ZBTB8B: variants seen among roughly 807,000 people sequenced by gnomAD.
ZBTB8B encodes the protein zinc finger and BTB domain-containing protein 8B.
Under a neutral mutation model 30.3 loss-of-function variants are expected in ZBTB8B, and 17 were observed. The observed-to-expected ratio is 0.56, with a 90% CI of 0.38 to 0.84. ZBTB8B has a LOEUF of 0.84. Among genes scored for constraint, ZBTB8B ranks in the 40% least tolerant of loss-of-function variants. The probability of loss-of-function intolerance (pLI) is 0.00; values close to 1 mark genes in which losing one functional copy is unlikely to be tolerated. For synonymous variants in ZBTB8B, 248 were observed against 255.6 expected (o/e 0.97, Z 0.28); for missense variants, 515 against 644.9 (o/e 0.80, Z 2.18).
intron 2 of ZBTB8B, among the ~76,000 whole-genome samples, chr1:32,477,366 T>A (rs952407218): frequency 2.0e-4 from 31 of 152,140 alleles, no homozygotes; most frequent in African/African-American, 7.2e-4. Flanking sequence ...TGGAGTGAGA[T>A]CAGGAAAGGG....
rs1643777524 is a variant in ZBTB8B, at chr1:32,491,156, C to T, written c.*5738C>T. 6.6e-6 allele frequency: 1 copy of T among 152,104 alleles called. No individual in the cohort carries two copies. The highest frequency in any genetic ancestry group is 2.4e-5 in the African/African-American group (1 of 41,406). The allele number at this position is 152,104 out of a possible 1,614,324, so 9.4% of individuals were successfully genotyped here. ...TTTGATGAGGAAGGTTTAGTAGTAACAAGCTTGGGGATTTTGAAGGAAGGC... is the reference window on the plus strand; with the variant it reads ...TTTGATGAGGAAGGTTTAGTAGTAATAAGCTTGGGGATTTTGAAGGAAGGC... On this transcript the variant is annotated 3_prime_UTR_variant, in exon 4 of 4. Transcript: ENST00000609129.
intron 2 of ZBTB8B, among the ~76,000 whole-genome samples, chr1:32,474,375 A>AT (rs1643646827): frequency 3.7e-5 from 5 of 136,986 alleles, no homozygotes; most frequent in Admixed American, 1.5e-4. Context: ...AAAAAAAAAA[A>AT]AAAAAAATTG....
At chr1:32,474,610 C>G (rs1643648960) in intron 2 of ZBTB8B, among the ~76,000 whole-genome samples, 1 of 152,056 alleles carries the variant, frequency 6.6e-6, no homozygotes, top group Admixed American at 6.6e-5. Context: ...GCTTCACCAG[C>G]ATTGGGAAGA....
At chr1:32,467,388 A>T (rs1373552892) in intron 1 of ZBTB8B, among the ~76,000 whole-genome samples, 1 of 151,714 alleles carries the variant, frequency 6.6e-6, no homozygotes, top group African/African-American at 2.4e-5. Context: ...AGTAGCTGGG[A>T]TTACAGGTGC....
In ZBTB8B at chr1:32,485,416, T is replaced by C; in HGVS notation, c.1486T>C (p.Ter496GlnextTer2). The change falls in exon 4 of 4, where the codon TAG (stop) becomes CAG (glutamine). Residue 496 changes from the stop codon to glutamine, a stop_lost. Transcript: ENST00000609129. ...PNLSDRETLT* is the reference protein window; with the variant it reads ...PNLSDRETLTQ ...CTTATCAGACCGAGAGACACTTACGTAGCAATAAATTGGTGGGGAAGAGGA... is the reference window on the plus strand; with the variant it reads ...CTTATCAGACCGAGAGACACTTACGCAGCAATAAATTGGTGGGGAAGAGGA... 6.5e-7 allele frequency: 1 copy of C among 1,546,464 alleles called. No individual in the cohort carries two copies. The highest frequency in any genetic ancestry group is 8.8e-7 in the Non-Finnish European group (1 of 1,142,536).
chr1:32,477,308 G>T (rs575836025), intron 2 of ZBTB8B, among the ~76,000 whole-genome samples: 13 of 152,304 alleles, frequency 8.5e-5, no homozygotes, highest in Middle Eastern at 3.4e-3. Context: ...GGAAACAGGT[G>T]TCTTACAATG....
chr1:32,470,074 G>A (rs1001474691), intron 1 of ZBTB8B, among the ~76,000 whole-genome samples: 1 of 152,110 alleles, frequency 6.6e-6, no homozygotes, highest in African/African-American at 2.4e-5. Flanking sequence ...GTTTCACCAT[G>A]TTGGGCAGGC....
In ZBTB8B at chr1:32,484,471, TG is replaced by T. The variant is rs1470827583; in HGVS notation, c.1171-629del. ...GTGTTCATAAGGGGTGAAGGGTTGA[TG>T]ATGGGCAGAAGGGAATGTCCCACAT... On this transcript the variant is annotated intron_variant, in intron 3 of 3. Transcript: ENST00000609129. This position sits in a 1 kb window ranked among gnomAD's most constrained non-coding sequence, Gnocchi z 4.5. 6.6e-6 allele frequency among the ~76,000 whole-genome samples: 1 copy of T among 152,238 alleles called. No homozygotes were observed. The highest frequency in any genetic ancestry group is 6.5e-5 in the Admixed American group (1 of 15,286).
intron 2 of ZBTB8B, among the ~76,000 whole-genome samples, chr1:32,474,322 G>C: frequency 1.1e-5 from 1 of 90,156 alleles, no homozygotes; most frequent in Non-Finnish European, 2.0e-5. Context: ...GCCCGGGCAA[G>C]ATGGCAAAAC....
rs113413071 is a variant in ZBTB8B, at chr1:32,483,282, A to G, written c.1171-1819A>G. 6.6e-3 allele frequency among the ~76,000 whole-genome samples: 945 copies of G among 143,158 alleles called. 7 individuals are homozygous for G. The highest frequency in any genetic ancestry group is 9.8e-3 in the Non-Finnish European group (644 of 65,768). The allele number at this position is 143,158 out of a possible 152,430, so 93.9% of individuals were successfully genotyped here. ...AAAAAAAAAAAAAAAAAAATTAGCC[A>G]GGCTTGGTGGCACGCGCCTGTAGTC... On this transcript the variant is annotated intron_variant, in intron 3 of 3. Transcript: ENST00000609129.
rs1274722835 is a variant in ZBTB8B at position 32,480,876 on chromosome 1, C to CT, written c.992-15_992-14insT. On this transcript the variant is annotated splice_polypyrimidine_tract_variant and intron_variant, in intron 2 of 3. Transcript: ENST00000609129. ...TGCATACAGCACAGCTAAATGAAAG[C>CT]ATTTGGTTCCCCAGGTGATGTGCTG... The CT allele has an allele frequency of 6.5e-7, 1 of 1,548,972 alleles. No homozygotes were observed. Among genetic ancestry groups the CT allele is most frequent in the Admixed American group, 2.0e-5 (1 of 50,860 alleles).
chr1:32,471,723 C>T, intron 2 of ZBTB8B, 108 bp downstream of exon 2: 1 of 1,246,868 alleles, frequency 8.0e-7, no homozygotes, highest in African/African-American at 1.5e-5. Flanking sequence ...ATTGTCACTA[C>T]CAACATTATC....
rs1368162756 is a variant in ZBTB8B, at chr1:32,489,253, C to A, written c.*3835C>A. The A allele has an allele frequency of 2.0e-5, 3 of 152,328 alleles. No individual in the cohort carries two copies. The highest frequency in any genetic ancestry group is 4.1e-4 in the South Asian group (2 of 4,826). 9.4% of individuals were successfully genotyped at this position (152,328 alleles called of 1,614,324 possible). A position where few individuals can be genotyped will look rare whatever the true frequency, so the allele number is the denominator to read the frequency against. ...CTTAGAAAATTCTGACTCATTCATA[C>A]ACCCAGAATCGTTACTAGGTTCTGA... On this transcript the variant is annotated 3_prime_UTR_variant, in exon 4 of 4. Transcript: ENST00000609129.
intron 2 of ZBTB8B, 50 bp downstream of exon 2, chr1:32,471,665 G>A: frequency 6.6e-7 from 1 of 1,507,362 alleles, no homozygotes; most frequent in South Asian, 1.3e-5. Context: ...AGTACACACT[G>A]TCTGTGCCTT....
At chr1:32,467,352 A>T (rs759659435) in intron 1 of ZBTB8B, among the ~76,000 whole-genome samples, 9 of 151,576 alleles carry the variant, frequency 5.9e-5, no homozygotes, top group Non-Finnish European at 1.3e-4. Flanking sequence ...CCTGGGTTCA[A>T]GTGATTCTCC....
At chr1:32,479,246 C>T (rs1230416430) in intron 2 of ZBTB8B, among the ~76,000 whole-genome samples, 1 of 152,112 alleles carries the variant, frequency 6.6e-6, no homozygotes, top group Non-Finnish European at 1.5e-5. Context: ...AATCTCGGGC[C>T]GGGCATGGTG....
chr1:32,471,860 A>G (rs1312321404), intron 2 of ZBTB8B, among the ~76,000 whole-genome samples: 1 of 151,726 alleles, frequency 6.6e-6, no homozygotes, highest in East Asian at 1.9e-4. Flanking sequence ...CATCATTACC[A>G]TCATCTCCAG....
chr1:32,493,303 C>A lies in ZBTB8B; in HGVS notation c.*7885C>A, dbSNP rs1371402709. On this transcript the variant is annotated 3_prime_UTR_variant, in exon 4 of 4. Coordinates refer to ENST00000609129, the MANE Select transcript of ZBTB8B (RefSeq NM_001145720.2). ...CACTACAGGCGTGTGCCACCACGCC[C>A]AGCTAATTTTTTGTATTTTATAAGA... is the stretch of plus-strand genomic sequence containing the variant. The A allele has an allele frequency of 2.0e-5, 3 of 151,870 alleles. No individual in the cohort carries two copies. The highest frequency in any genetic ancestry group is 4.4e-5 in the Non-Finnish European group (3 of 67,990). The allele number at this position is 151,870 out of a possible 1,614,324, so 9.4% of individuals were successfully genotyped here. A position where few individuals can be genotyped will look rare whatever the true frequency, so the allele number is the denominator to read the frequency against.
At chr1:32,474,600 G>A (rs1434969368) in intron 2 of ZBTB8B, among the ~76,000 whole-genome samples, 1 of 152,064 alleles carries the variant, frequency 6.6e-6, no homozygotes, top group Non-Finnish European at 1.5e-5. Flanking sequence ...TGAGACACTG[G>A]CTTCACCAGC....
Sources: allele counts gnomAD v4.1 joint callset (sites outside exome capture counted in the v4.1 genomes callset), GRCh38; gene constraint gnomAD v4.1.1; non-coding constraint Gnocchi (gnomAD v3.1); transcripts MANE v1.5; gene names NCBI Gene and HGNC (gene_info 2026-07-23, HGNC 2026-07-21).